Variants in GRM8 observed in about 807,000 individuals in gnomAD.
GRM8 encodes the protein glutamate metabotropic receptor 8.
A neutral mutation model predicts 87.2 loss-of-function variants in GRM8; 47 were observed. The ratio of observed to expected loss-of-function variants is 0.54; its 90% CI spans 0.43 to 0.69. GRM8 has a LOEUF of 0.69. Ranked by LOEUF, GRM8 falls within the 30% of genes least tolerant of loss-of-function variation. The probability of loss-of-function intolerance (pLI) is 0.00; values close to 1 mark genes in which losing one functional copy is unlikely to be tolerated. For missense variants in GRM8, 1,019 were observed against 1,139.2 expected (o/e 0.89, Z 1.52); for synonymous variants, 396 against 404.5 (o/e 0.98, Z 0.25).
At chr7:127,117,934 T>C (rs762720004) in intron 2 of GRM8, among the ~76,000 whole-genome samples, 1 of 152,228 alleles carries the variant, frequency 6.6e-6, no homozygotes, top group African/African-American at 2.4e-5. Context: ...TGCCAGCCAA[T>C]AGTACATGAT....
chr7:126,827,299 C>G (rs1170054114), intron 6 of GRM8, among the ~76,000 whole-genome samples: 2 of 152,112 alleles, frequency 1.3e-5, no homozygotes, highest in Admixed American at 1.3e-4. Flanking sequence ...CTGTAAATTA[C>G]CTTGGGCAGT....
At chr7:126,517,169 G>T (rs189552823) in intron 9 of GRM8, among the ~76,000 whole-genome samples, 74 of 152,112 alleles carry the variant, frequency 4.9e-4, no homozygotes, top group Non-Finnish European at 8.2e-4. Flanking sequence ...ATGCTTATAG[G>T]TACTATAGTT....
chr7:127,107,982 C>T (rs910471909), intron 2 of GRM8, among the ~76,000 whole-genome samples: 1 of 152,094 alleles, frequency 6.6e-6, no homozygotes. Flanking sequence ...CTGCATTGGC[C>T]GTAACAGAGA....
chr7:126,904,268 G>C, intron 4 of GRM8, 142 bp from the exon 5 acceptor site: 1 of 717,306 alleles, frequency 1.4e-6, no homozygotes, highest in Non-Finnish European at 2.3e-6. Flanking sequence ...AACTGCCCGA[G>C]TCTTATCATC....
chr7:126,640,451 T>C (rs3824018), intron 7 of GRM8, among the ~76,000 whole-genome samples: 46,825 of 152,100 alleles, frequency 0.31, 8,081 homozygotes, highest in East Asian at 0.43. Context: ...ATGTTTGAGA[T>C]GAAATCAACT....
At chr7:126,712,833 T>C (rs1044568012) in intron 7 of GRM8, among the ~76,000 whole-genome samples, 2 of 151,848 alleles carry the variant, frequency 1.3e-5, no homozygotes, top group African/African-American at 4.8e-5. Context: ...CTAAGAAACA[T>C]GTGGGAAAAA....
intron 3 of GRM8, among the ~76,000 whole-genome samples, chr7:127,027,631 TTGTC>T (rs2132272094): frequency 6.6e-6 from 1 of 151,868 alleles, no homozygotes; most frequent in Admixed American, 6.6e-5. Context: ...ATTTGGCTGT[TTGTC>T]TGTTATTGGT....
intron 7 of GRM8, among the ~76,000 whole-genome samples, chr7:126,667,437 T>C (rs1363175875): frequency 6.6e-6 from 1 of 152,248 alleles, no homozygotes; most frequent in Non-Finnish European, 1.5e-5. Context: ...TTGAGTAGTC[T>C]TTCTTTGTAA....
At chr7:126,753,409 G>T (rs10239096) in intron 7 of GRM8, among the ~76,000 whole-genome samples, 58,102 of 150,764 alleles carry the variant, frequency 0.39, 12,427 homozygotes, top group Non-Finnish European at 0.48. Flanking sequence ...TAGATAGATA[G>T]ACACACGTAT....
At chr7:126,796,943 TAATA>T (rs1476836189) in intron 6 of GRM8, among the ~76,000 whole-genome samples, 3 of 152,130 alleles carry the variant, frequency 2.0e-5, no homozygotes, top group African/African-American at 7.2e-5. Context: ...TTGCGAGATT[TAATA>T]AATAAATATA....
chr7:126,591,215 A>T (rs1361998159), intron 8 of GRM8, among the ~76,000 whole-genome samples: 2 of 152,084 alleles, frequency 1.3e-5, no homozygotes, highest in Non-Finnish European at 2.9e-5. Flanking sequence ...ACCAAAAGAG[A>T]GCAGATAGTC....
chr7:127,079,112 G>GT (rs149021239), intron 3 of GRM8, among the ~76,000 whole-genome samples: 2,112 of 151,124 alleles, frequency 0.014, 46 homozygotes, highest in African/African-American at 0.048. Flanking sequence ...TGGGCTTTGT[G>GT]TTTCTTTTTT....
At chr7:127,041,620 C>G (rs1818436980) in intron 3 of GRM8, among the ~76,000 whole-genome samples, 1 of 152,184 alleles carries the variant, frequency 6.6e-6, no homozygotes, top group Admixed American at 6.5e-5. Context: ...AACAAAAGTT[C>G]TCTACAGGAA....
intron 3 of GRM8, among the ~76,000 whole-genome samples, chr7:127,058,407 T>G (rs1234672527): frequency 6.6e-6 from 1 of 152,228 alleles, no homozygotes; most frequent in Non-Finnish European, 1.5e-5. Flanking sequence ...CGGGGATAGA[T>G]TTCATGGCTT....
At chr7:126,760,045 C>T (rs1269916884) in intron 7 of GRM8, among the ~76,000 whole-genome samples, 1 of 151,962 alleles carries the variant, frequency 6.6e-6, no homozygotes, top group Non-Finnish European at 1.5e-5. Flanking sequence ...TTTTTCCCAC[C>T]ACCTCAAATC....
chr7:127,036,113 T>A (rs1817818702), intron 3 of GRM8, among the ~76,000 whole-genome samples: 1 of 152,194 alleles, frequency 6.6e-6, no homozygotes, highest in South Asian at 2.1e-4. Context: ...TTCTTGTGAA[T>A]AATTAACAAG....
chr7:127,132,645 G>C (rs1827749202), intron 2 of GRM8, among the ~76,000 whole-genome samples: 1 of 152,090 alleles, frequency 6.6e-6, no homozygotes, highest in Non-Finnish European at 1.5e-5. Flanking sequence ...CACTTTCTGA[G>C]AACATGGCAT....
chr7:127,037,223 T>C (rs948711985), intron 3 of GRM8, among the ~76,000 whole-genome samples: 2 of 152,086 alleles, frequency 1.3e-5, no homozygotes, highest in Non-Finnish European at 2.9e-5. Context: ...TACAACCCTA[T>C]CAAAAATATT....
chr7:126,944,849 A>T (rs913312339), intron 3 of GRM8, among the ~76,000 whole-genome samples: 21 of 152,366 alleles, frequency 1.4e-4, no homozygotes, highest in South Asian at 6.2e-4. Flanking sequence ...TAGCAAAATG[A>T]TTCTAAAATC....
Sources: allele counts gnomAD v4.1 joint callset (sites outside exome capture counted in the v4.1 genomes callset), GRCh38; gene constraint gnomAD v4.1.1; transcripts MANE v1.5; gene names NCBI Gene and HGNC (gene_info 2026-07-23, HGNC 2026-07-21).